Variants in PEX5 observed in about 807,000 individuals in gnomAD.
PEX5 encodes PTS1 receptor.
A neutral mutation model predicts 82.9 loss-of-function variants in PEX5; 52 were observed. The ratio of observed to expected loss-of-function variants is 0.63; its 90% confidence interval spans 0.50 to 0.79. The LOEUF (loss-of-function observed/expected upper bound fraction) is 0.79, where lower values mean the gene tolerates loss of function less well. PEX5 is among the 30% of genes least tolerant of loss of function. PEX5 has a pLI of 0.00. For synonymous variants in PEX5, 300 were observed against 318.8 expected (o/e 0.94, Z 0.63); for missense variants, 719 against 815.2 (o/e 0.88, Z 1.44).
intron 5 of PEX5, among the ~76,000 whole-genome samples, chr12:7,195,579 T>C (rs896408535): frequency 2.6e-5 from 4 of 151,986 alleles, no homozygotes; most frequent in Non-Finnish European, 5.9e-5. Context: ...CTCATGTCTG[T>C]TGTAAAAATT....
At chr12:7,217,729 C>G (rs1945817852) in intron 17 of PEX5, among the ~76,000 whole-genome samples, 1 of 152,248 alleles carries the variant, frequency 6.6e-6, no homozygotes, top group Admixed American at 6.5e-5. Context: ...GTGGCCTGGG[C>G]TGGCTGCAGG....
chr12:7,199,974 G>A (rs1200299824), intron 6 of PEX5, among the ~76,000 whole-genome samples: 1 of 126,596 alleles, frequency 7.9e-6, no homozygotes, highest in East Asian at 2.4e-4. Flanking sequence ...CGGGCGGGGG[G>A]CTGACCCCCC....
At position 7,201,135 on chromosome 12, in the gene PEX5, GCA is replaced by G. The variant is rs113517645; in HGVS notation, c.552-604_552-603del. Among the ~76,000 whole-genome samples, 379 of 121,764 alleles carry G rather than the reference GCA, an allele frequency of 3.1e-3. 1 individual carries two copies. The highest frequency in any genetic ancestry group is 9.5e-3 in the African/African-American group (356 of 37,312). The allele number at this position is 121,764 out of a possible 152,430, so 79.9% of individuals were successfully genotyped here. Reference sequence around the variant, plus strand: ...ACCAAAAGCGCATGCATGTGTGCGTGCACACACACACACGCACACACATATAT... The same window carrying G: ...ACCAAAAGCGCATGCATGTGTGCGTGCACACACACACGCACACACATATAT... On this transcript the variant is annotated intron_variant, in intron 6 of 15. Transcript: ENST00000675855.
intron 10 of PEX5, among the ~76,000 whole-genome samples, chr12:7,204,683 A>G (rs1186522977): frequency 1.3e-5 from 2 of 152,242 alleles, no homozygotes; most frequent in African/African-American, 4.8e-5. Flanking sequence ...GGCCCCATCA[A>G]CTTATAAATG....
chr12:7,201,795 G>A lies in PEX5; in HGVS notation c.596G>A (p.Ser199Asn), dbSNP rs750906889. ...HPEEDLQHTASDFVAKVDDPK... is the reference protein window; with the variant it reads ...HPEEDLQHTANDFVAKVDDPK... ...GAGGAGGATCTGCAGCACACGGCCA[G>A]TGACTTTGTGGCCAAAGTGGATGAC... is the stretch of plus-strand genomic sequence containing the variant. Residue 199 changes from serine to asparagine, a missense_variant, in exon 7 of 16, where the codon AGT (serine) becomes AAT (asparagine). Transcript: ENST00000675855. 5.8e-5 allele frequency: 94 copies of A among 1,614,060 alleles called. No individual in the cohort carries two copies. In the South Asian group the frequency reaches 9.9e-4, roughly 17 times the overall value.
intron 7 of PEX5, 99 bp downstream of exon 7, chr12:7,201,940 G>A (rs1472471239): frequency 6.8e-6 from 6 of 882,692 alleles, no homozygotes; most frequent in Non-Finnish European, 1.1e-5. Context: ...AGAAGGAGAA[G>A]AGATCTTAGG....
rs932025377 is a variant in PEX5, at chr12:7,190,281, T to A, written c.-16-81T>A. 3.1e-6 allele frequency: 5 copies of A among 1,592,500 alleles called. No homozygotes were observed. The African/African-American group carries it at 4.0e-5, about 13-fold the overall frequency. ...AGTGTGGGGCAGACGCCTGTGTGCCTTCCTCAGATACGGGCAGAGTTGTGG... is the reference window on the plus strand; with the variant it reads ...AGTGTGGGGCAGACGCCTGTGTGCCATCCTCAGATACGGGCAGAGTTGTGG... On this transcript the variant is annotated intron_variant, in intron 1 of 15. Coordinates refer to ENST00000675855, the MANE Select transcript of PEX5 (RefSeq NM_001351132.2).
chr12:7,202,651 G>A lies in PEX5; in HGVS notation c.793G>A (p.Val265Ile), dbSNP rs776020873. ...CTGGGTTGACCAGTTCACAAGACCA[G>A]TAAACACATCTGCCCTTGATATGGA... is the stretch of plus-strand genomic sequence containing the variant. ...DAWVDQFTRP[V>I]NTSALDMEFE... The change falls in exon 9 of 16, where the codon GTA (valine) becomes ATA (isoleucine). Residue 265 changes from valine (V) to isoleucine (I), a missense_variant. Coordinates refer to ENST00000675855, the MANE Select transcript of PEX5 (RefSeq NM_001351132.2). 1.2e-6 allele frequency: 2 copies of A among 1,614,064 alleles called. No homozygotes were observed. The highest frequency in any genetic ancestry group is 1.7e-5 in the Admixed American group (1 of 60,012).
chr12:7,199,440 A>C (rs1001126293), intron 6 of PEX5, among the ~76,000 whole-genome samples: 2 of 149,336 alleles, frequency 1.3e-5, no homozygotes, highest in African/African-American at 4.9e-5. Flanking sequence ...CATCTGTTTA[A>C]CAAAGCACAT....
chr12:7,207,537 C>CAATT, intron 10 of PEX5, 122 bp from the exon 11 acceptor site: 2 of 924,360 alleles, frequency 2.2e-6, no homozygotes, highest in East Asian at 2.4e-5. Flanking sequence ...AATTTGCCAG[C>CAATT]AATTAATTCC....
chr12:7,210,302 C>A lies in PEX5; in HGVS notation c.*79C>A. Reference sequence around the variant, plus strand: ...TGTGATTCCCTCTCCCCAAATGGGCCTACCAAGGGGGCGGGCTGATGACCA... The same window carrying A: ...TGTGATTCCCTCTCCCCAAATGGGCATACCAAGGGGGCGGGCTGATGACCA... On this transcript the variant is annotated 3_prime_UTR_variant, in exon 16 of 16. Coordinates refer to ENST00000675855, the MANE Select transcript of PEX5 (RefSeq NM_001351132.2). 1.4e-6 allele frequency: 2 copies of A among 1,397,288 alleles called. No homozygotes were observed. The highest frequency in any genetic ancestry group is 1.2e-5 in the South Asian group (1 of 86,660). The allele number at this position is 1,397,288 out of a possible 1,614,324, so 86.6% of individuals were successfully genotyped here.
chr12:7,190,185 G>C, intron 1 of PEX5, 177 bp from the exon 2 acceptor site: 1 of 1,524,672 alleles, frequency 6.6e-7, no homozygotes, highest in South Asian at 1.2e-5. Flanking sequence ...CGGCAGGAGA[G>C]AGTACCGACC....
chr12:7,208,114 C>T, intron 12 of PEX5, 34 bp downstream of exon 12: 1 of 1,492,114 alleles, frequency 6.7e-7, no homozygotes, highest in Non-Finnish European at 9.4e-7. Flanking sequence ...TGAGGTGCTT[C>T]CAAGGCTCTG....
intron 3 of PEX5, 55 bp downstream of exon 3, chr12:7,190,978 A>C (rs1313154618): frequency 6.6e-7 from 1 of 1,524,904 alleles, no homozygotes; most frequent in Non-Finnish European, 9.1e-7. Context: ...CTGTGTTTTT[A>C]CCTTTAAACT....
rs1362935024 is a variant in PEX5 at position 7,197,558 on chromosome 12, TATA to T, written c.449-1448_449-1446del. Among the ~76,000 whole-genome samples the T allele has an allele frequency of 4.1e-4, 56 of 137,572 alleles. 4 individuals are homozygous for T. The highest frequency in any genetic ancestry group is 3.7e-3 in the East Asian group (18 of 4,802). 90.3% of individuals were successfully genotyped at this position (137,572 alleles called of 152,430 possible). A position where few individuals can be genotyped will look rare whatever the true frequency, so the allele number is the denominator to read the frequency against. ...ATGTAATTATATATGTTATATATAA[TATA>T]ATAAGTAGTAATTACTTATTATTTA... is the stretch of plus-strand genomic sequence containing the variant. On this transcript the variant is annotated intron_variant, in intron 5 of 15. Coordinates refer to ENST00000675855, the MANE Select transcript of PEX5 (RefSeq NM_001351132.2).
At chr12:7,207,580 C>T in intron 10 of PEX5, 79 bp from the exon 11 acceptor site, 2 of 1,452,534 alleles carry the variant, frequency 1.4e-6, no homozygotes, top group Non-Finnish European at 1.9e-6. Flanking sequence ...GCTTCTCTGC[C>T]TGCTGGTTGT....
Position 7,191,687 on chromosome 12 carries a change from C to T in PEX5, c.435C>T (p.Ile145=). ...AGACTGACTGGTCCCAAGAATTCAT[C>T]TCTGAAGTTACAGGTGAAACTTGTT... ...YNETDWSQEF[I]SEVTDPLSVS... is the part of the protein sequence containing the mutation. Residue 145 remains isoleucine, a synonymous_variant, in exon 5 of 16, where the codon ATC becomes ATT. Transcript: ENST00000675855. 2.5e-6 allele frequency: 4 copies of T among 1,613,766 alleles called. No homozygotes were observed. Among genetic ancestry groups the T allele is most frequent in the Non-Finnish European group, 8.5e-7 (1 of 1,179,676 alleles).
Position 7,197,144 on chromosome 12 carries a change from A to ATAATATATGTCATATATAATG in PEX5, c.449-1863_449-1862insATATGTCATATATAATGTAAT, listed in dbSNP as rs1942613602. ...AATAATATATGTCATATATAATGTA[A>ATAATATATGTCATATATAATG]TAATTATATATGTCATATATAATGT... On this transcript the variant is annotated intron_variant, in intron 5 of 15. Transcript: ENST00000675855. 5.3e-4 allele frequency among the ~76,000 whole-genome samples: 3 copies of ATAATATATGTCATATATAATG among 5,702 alleles called. 1 individual carries two copies. In the East Asian group the frequency reaches 0.021, roughly 40 times the overall value. 3.7% of individuals were successfully genotyped at this position (5,702 alleles called of 152,430 possible).
chr12:7,216,576 T>TTTTG (rs1945788070), intron 17 of PEX5, among the ~76,000 whole-genome samples: 1 of 152,064 alleles, frequency 6.6e-6, no homozygotes, highest in African/African-American at 2.4e-5. Context: ...AACTTCTATT[T>TTTTG]TTTGTTTTTA....
Sources: allele counts gnomAD v4.1 joint callset (sites outside exome capture counted in the v4.1 genomes callset), GRCh38; gene constraint gnomAD v4.1.1; transcripts MANE v1.5; gene names NCBI Gene and HGNC (gene_info 2026-07-23, HGNC 2026-07-21).